DPP10: variants seen among roughly 807,000 people sequenced by gnomAD.
The protein encoded by DPP10 is dipeptidyl peptidase like 10.
A neutral mutation model predicts 120.9 loss-of-function variants in DPP10; 33 were observed. The ratio of observed to expected loss-of-function variants is 0.27; its 90% CI spans 0.21 to 0.37. The LOEUF (loss-of-function observed/expected upper bound fraction) is 0.37. DPP10 is among the 10% of genes least tolerant of loss of function. The pLI, the probability that DPP10 is intolerant of heterozygous loss-of-function variation, is 1.00. For synonymous variants in DPP10, 337 were observed against 326.1 expected, an observed-to-expected ratio of 1.03 and a Z score of -0.36; for missense variants, 816 against 942.8, an observed-to-expected ratio of 0.87 and a Z score of 1.76.
intron 1 of DPP10, among the ~76,000 whole-genome samples, chr2:114,650,490 T>G (rs898915554): frequency 6.6e-6 from 1 of 152,240 alleles, no homozygotes; most frequent in Admixed American, 6.5e-5. Flanking sequence ...GAACTCCACA[T>G]ACCCATCATT....
chr2:115,731,974 G>T (rs376837067), intron 8 of DPP10, among the ~76,000 whole-genome samples: 2 of 152,112 alleles, frequency 1.3e-5, no homozygotes, highest in South Asian at 4.2e-4. Flanking sequence ...CCTTGCTTGT[G>T]GAATGTGCCA....
At chr2:114,694,058 A>G (rs1699924666) in intron 1 of DPP10, among the ~76,000 whole-genome samples, 1 of 152,014 alleles carries the variant, frequency 6.6e-6, no homozygotes, top group Non-Finnish European at 1.5e-5. Flanking sequence ...AAGGAATATC[A>G]AGAATGTTTC....
chr2:115,016,457 G>A (rs767891000), intron 1 of DPP10, among the ~76,000 whole-genome samples: 1 of 152,096 alleles, frequency 6.6e-6, no homozygotes, highest in Non-Finnish European at 1.5e-5. Flanking sequence ...AAGACTTCAT[G>A]ACAAAAACAC....
intron 3 of DPP10, among the ~76,000 whole-genome samples, chr2:115,352,696 A>C (rs2064114873): frequency 6.6e-6 from 1 of 152,140 alleles, no homozygotes; most frequent in African/African-American, 2.4e-5. Context: ...ATTGAGCACA[A>C]ATCTTTCCAG....
intron 1 of DPP10, among the ~76,000 whole-genome samples, chr2:114,960,356 G>A (rs1416453678): frequency 1.3e-5 from 1 of 77,164 alleles, no homozygotes; most frequent in East Asian, 3.7e-4. Flanking sequence ...GTTGTACAGA[G>A]TGTATGTGCG....
At chr2:114,647,744 G>T (rs970260806) in intron 1 of DPP10, among the ~76,000 whole-genome samples, 2 of 150,060 alleles carry the variant, frequency 1.3e-5, no homozygotes, top group African/African-American at 2.5e-5. Flanking sequence ...AATTCCCATC[G>T]CATCCTAGAT....
intron 1 of DPP10, among the ~76,000 whole-genome samples, chr2:114,863,164 C>T (rs973193214): frequency 6.6e-6 from 1 of 152,014 alleles, no homozygotes; most frequent in Non-Finnish European, 1.5e-5. Flanking sequence ...TCTATGTGTC[C>T]CCTTGAAACA....
At chr2:115,490,837 G>A (rs2076071685) in intron 3 of DPP10, among the ~76,000 whole-genome samples, 2 of 152,194 alleles carry the variant, frequency 1.3e-5, no homozygotes, top group South Asian at 2.1e-4. Flanking sequence ...ATTGCGAGAG[G>A]GCTGTGCGTG....
rs71394121 is a variant in DPP10, at chr2:114,993,580, G to GTGTATATATATATATA, written c.61-315658_61-315657insGTATATATATATATAT. On this transcript the variant is annotated intron_variant, in intron 1 of 25. Transcript: ENST00000410059. The stretch of plus-strand genomic sequence containing the variant: ...ATTCTTATTATGTGTGTGTGTGTGT[G>GTGTATATATATATATA]TATATATATATATATATATATATAT... Among the ~76,000 whole-genome samples the GTGTATATATATATATA allele has an allele frequency of 1.0e-3, 102 of 97,334 alleles. 1 individual carries two copies. The highest frequency in any genetic ancestry group is 2.5e-3 in the South Asian group (6 of 2,432). The allele number at this position is 97,334 out of a possible 152,430, so 63.9% of individuals were successfully genotyped here.
chr2:115,016,205 T>G (rs1364825138), intron 1 of DPP10, among the ~76,000 whole-genome samples: 1 of 152,044 alleles, frequency 6.6e-6, no homozygotes, highest in Non-Finnish European at 1.5e-5. Context: ...ATGCCACATA[T>G]CTACAACCAT....
intron 3 of DPP10, among the ~76,000 whole-genome samples, chr2:115,381,588 G>T (rs1559514416): frequency 6.6e-6 from 1 of 152,166 alleles, no homozygotes; most frequent in Non-Finnish European, 1.5e-5. Flanking sequence ...TTGTTCCATT[G>T]CTGGTGAGGA....
At chr2:115,795,733 G>A (rs1684459955) in intron 19 of DPP10, among the ~76,000 whole-genome samples, 1 of 152,224 alleles carries the variant, frequency 6.6e-6, no homozygotes, top group South Asian at 2.1e-4. Flanking sequence ...CAACAGTCAA[G>A]ATAACATCAT....
In DPP10 at chr2:115,745,282, T is replaced by C. The variant is rs530518748; in HGVS notation, c.853-804T>C. Among the ~76,000 whole-genome samples the C allele has an allele frequency of 2.2e-4, 33 of 150,808 alleles. 3 individuals are homozygous for C. The South Asian group carries it at 5.6e-3, about 26-fold the overall frequency. On this transcript the variant is annotated intron_variant, in intron 9 of 25. Transcript: ENST00000410059. ...TCCATTGTGACCAAGAGAATGTTTA[T>C]ATCTTACGACTGTAGTAGGGACATT...
At chr2:115,670,755 A>G (rs1347482900) in intron 5 of DPP10, among the ~76,000 whole-genome samples, 1 of 152,112 alleles carries the variant, frequency 6.6e-6, no homozygotes. Context: ...CTTTCAGTCA[A>G]TTCATGGGGA....
At chr2:114,567,988 G>C (rs978362744) in intron 1 of DPP10, among the ~76,000 whole-genome samples, 2 of 147,922 alleles carry the variant, frequency 1.4e-5, no homozygotes, top group African/African-American at 5.0e-5. Flanking sequence ...GTAACAACCT[G>C]TACATCCTGC....
chr2:115,672,693 T>TCTTTCTTTCTTTCTTTCTTC (rs2089988970), intron 5 of DPP10, among the ~76,000 whole-genome samples: 1 of 145,876 alleles, frequency 6.9e-6, no homozygotes, highest in Non-Finnish European at 1.5e-5. Flanking sequence ...TTTCTTTCTT[T>TCTTTCTTTCTTTCTTTCTTC]CTTTCTTTCT....
chr2:114,720,888 A>C (rs1574039750), intron 1 of DPP10, among the ~76,000 whole-genome samples: 1 of 152,202 alleles, frequency 6.6e-6, no homozygotes, highest in Non-Finnish European at 1.5e-5. Context: ...AGTGATTCTG[A>C]AAGGTACAGG....
intron 1 of DPP10, among the ~76,000 whole-genome samples, chr2:114,696,788 A>G (rs1370116353): frequency 6.6e-6 from 1 of 151,918 alleles, no homozygotes; most frequent in Non-Finnish European, 1.5e-5. Flanking sequence ...ATTAGAGGAG[A>G]GGCAAAAGCC....
intron 1 of DPP10, among the ~76,000 whole-genome samples, chr2:114,456,213 T>C (rs188652080): frequency 6.6e-6 from 1 of 152,156 alleles, no homozygotes; most frequent in African/African-American, 2.4e-5. Flanking sequence ...GGAGAAACAA[T>C]AGAGAATCCA....
Sources: allele counts gnomAD v4.1 joint callset (sites outside exome capture counted in the v4.1 genomes callset), GRCh38; gene constraint gnomAD v4.1.1; transcripts MANE v1.5; gene names NCBI Gene and HGNC (gene_info 2026-07-23, HGNC 2026-07-21).